The following CSMD1 variants were observed in gnomAD, a reference collection of about 807,000 sequenced individuals.
CSMD1 encodes the protein CUB and Sushi multiple domains 1.
A neutral mutation model predicts 417.5 loss-of-function variants in CSMD1; 213 were observed. The ratio of observed to expected loss-of-function variants is 0.51; its 90% CI spans 0.46 to 0.57. The LOEUF (loss-of-function observed/expected upper bound fraction) is 0.57. CSMD1 is among the 20% of genes least tolerant of loss of function. CSMD1 has a pLI of 0.00. For missense variants in CSMD1, 6,923 were observed against 4,529.7 expected (o/e 1.53, Z -15.17); for synonymous variants, 2,862 against 1,736.8 (o/e 1.65, Z -16.11).
chr8:3,867,948 T>C (rs1018490365), intron 5 of CSMD1, among the ~76,000 whole-genome samples: 1 of 152,112 alleles, frequency 6.6e-6, no homozygotes, highest in Admixed American at 6.5e-5. Flanking sequence ...AATCTTTGTA[T>C]GTCTTCTCTG....
At chr8:4,400,633 T>C (rs1445848494) in intron 3 of CSMD1, among the ~76,000 whole-genome samples, 1 of 152,208 alleles carries the variant, frequency 6.6e-6, no homozygotes, top group East Asian at 1.9e-4. Context: ...TGACCTGCAA[T>C]CTTGAAGTCT....
intron 2 of CSMD1, among the ~76,000 whole-genome samples, chr8:4,571,399 A>T (rs1798886763): frequency 6.6e-6 from 1 of 152,154 alleles, no homozygotes; most frequent in African/African-American, 2.4e-5. Flanking sequence ...TTCGTTATTT[A>T]CCCAGTGGTC....
chr8:3,706,106 A>G (rs13268132), intron 7 of CSMD1, among the ~76,000 whole-genome samples: 140,292 of 152,238 alleles, frequency 0.92, 64,713 homozygotes, highest in East Asian at 0.99. Context: ...TACCTCCCCT[A>G]CCGTTCGCCC....
rs913870804 is a variant in CSMD1, at chr8:4,938,708, C to T, written c.85+55624G>A. Among the ~76,000 whole-genome samples, 7 of 152,306 alleles carry T rather than the reference C, an allele frequency of 4.6e-5. No individual in the cohort carries two copies. The East Asian group carries it at 5.8e-4, about 13-fold the overall frequency. On this transcript the variant is annotated intron_variant, in intron 1 of 69. Coordinates refer to ENST00000635120, the MANE Select transcript of CSMD1 (RefSeq NM_033225.6). ...GGGGTGGAAAGAAACAGATAATCTTCTCATGATAAATTCGATCTGAAATCT... is the reference window on the plus strand; with the variant it reads ...GGGGTGGAAAGAAACAGATAATCTTTTCATGATAAATTCGATCTGAAATCT...
intron 3 of CSMD1, among the ~76,000 whole-genome samples, chr8:4,050,182 T>C (rs185245176): frequency 3.9e-5 from 6 of 152,288 alleles, no homozygotes; most frequent in Non-Finnish European, 8.8e-5. Flanking sequence ...ACTTCCACTC[T>C]GGATGTTGAC....
At chr8:4,705,553 C>T (rs187134259) in intron 1 of CSMD1, among the ~76,000 whole-genome samples, 264 of 152,286 alleles carry the variant, frequency 1.7e-3, no homozygotes, top group African/African-American at 6.2e-3. Flanking sequence ...TCTACTACGG[C>T]ATATTTCTTT....
At chr8:3,455,639 C>G (rs987743786) in intron 12 of CSMD1, among the ~76,000 whole-genome samples, 4 of 152,226 alleles carry the variant, frequency 2.6e-5, no homozygotes, top group African/African-American at 9.6e-5. Context: ...TATTGCTGAA[C>G]AGCAAATGCT....
At chr8:3,728,420 A>G (rs1381425961) in intron 6 of CSMD1, among the ~76,000 whole-genome samples, 1 of 152,228 alleles carries the variant, frequency 6.6e-6, no homozygotes, top group Non-Finnish European at 1.5e-5. Flanking sequence ...AAAACAGACT[A>G]ATACAACATC....
chr8:4,840,322 G>C (rs1187122403), intron 1 of CSMD1, among the ~76,000 whole-genome samples: 3 of 152,194 alleles, frequency 2.0e-5, no homozygotes, highest in East Asian at 1.9e-4. Flanking sequence ...ATTCAGCACA[G>C]CTGTTAACTG....
chr8:3,968,755 A>G (rs1812865505), intron 5 of CSMD1, among the ~76,000 whole-genome samples: 1 of 152,202 alleles, frequency 6.6e-6, no homozygotes, highest in Admixed American at 6.5e-5. Flanking sequence ...CTCAACAACC[A>G]AAATGCTGAA....
intron 48 of CSMD1, among the ~76,000 whole-genome samples, chr8:3,088,415 G>T (rs1040788004): frequency 1.3e-5 from 2 of 152,072 alleles, no homozygotes; most frequent in Non-Finnish European, 2.9e-5. Context: ...ACTTCCCTCT[G>T]GGGCTTCCAT....
chr8:4,889,711 G>T (rs943956447), intron 1 of CSMD1, among the ~76,000 whole-genome samples: 1 of 152,062 alleles, frequency 6.6e-6, no homozygotes, highest in Non-Finnish European at 1.5e-5. Context: ...TAAAAGCAAA[G>T]AAAATTTACC....
chr8:3,955,603 T>A (rs1326295956), intron 5 of CSMD1, among the ~76,000 whole-genome samples: 1 of 152,126 alleles, frequency 6.6e-6, no homozygotes, highest in Non-Finnish European at 1.5e-5. Flanking sequence ...CCTGCTCCAT[T>A]TTGTAGTATT....
chr8:4,123,636 A>C (rs939134909), intron 3 of CSMD1, among the ~76,000 whole-genome samples: 1 of 152,196 alleles, frequency 6.6e-6, no homozygotes, highest in East Asian at 1.9e-4. Context: ...TGATGATAAC[A>C]TTGGAAATGG....
chr8:4,013,929 C>G (rs562625922), intron 4 of CSMD1, among the ~76,000 whole-genome samples: 19 of 152,246 alleles, frequency 1.2e-4, no homozygotes, highest in African/African-American at 3.9e-4. Context: ...AAAATGTTTA[C>G]CAGCCCTGAT....
chr8:4,330,718 C>G (rs1210983078), intron 3 of CSMD1, among the ~76,000 whole-genome samples: 2 of 152,106 alleles, frequency 1.3e-5, no homozygotes, highest in African/African-American at 2.4e-5. Flanking sequence ...TGAGGATACC[C>G]CAATCAAGTT....
intron 3 of CSMD1, among the ~76,000 whole-genome samples, chr8:4,162,151 G>T (rs544772437): frequency 6.6e-6 from 1 of 152,136 alleles, no homozygotes; most frequent in Non-Finnish European, 1.5e-5. Context: ...GTGCGACATC[G>T]TAATTAGTTT....
intron 38 of CSMD1, 38 bp downstream of exon 38, chr8:3,162,121 A>T: frequency 1.6e-6 from 2 of 1,288,194 alleles, no homozygotes; most frequent in Non-Finnish European, 2.2e-6. Flanking sequence ...AAAGATGACC[A>T]TGTGTATGTT....
intron 3 of CSMD1, among the ~76,000 whole-genome samples, chr8:4,288,829 G>C (rs536893394): frequency 1.3e-5 from 2 of 152,238 alleles, no homozygotes; most frequent in East Asian, 1.9e-4. Flanking sequence ...CATTACGTCA[G>C]TAAAGCACTA....
Sources: allele counts gnomAD v4.1 joint callset (sites outside exome capture counted in the v4.1 genomes callset), GRCh38; gene constraint gnomAD v4.1.1; transcripts MANE v1.5; gene names NCBI Gene and HGNC (gene_info 2026-07-23, HGNC 2026-07-21).